SOX5: variants seen among roughly 807,000 people sequenced by gnomAD.
The protein encoded by SOX5 is transcription factor SOX-5.
SOX5 carries 9 observed loss-of-function variants against 92.0 expected under a neutral mutation model. That is an observed-to-expected ratio of 0.10 (90% CI 0.06 to 0.17). SOX5 has a LOEUF of 0.17. Among genes scored for constraint, SOX5 ranks in the 10% least tolerant of loss-of-function variants. SOX5 has a pLI of 1.00. For missense variants in SOX5, 642 were observed against 944.5 expected, an observed-to-expected ratio of 0.68 and a Z score of 4.20; for synonymous variants, 344 against 336.3, an observed-to-expected ratio of 1.02 and a Z score of -0.25.
intron 4 of SOX5, among the ~76,000 whole-genome samples, chr12:24,049,089 C>A (rs953094484): frequency 6.6e-6 from 1 of 152,134 alleles, no homozygotes; most frequent in Non-Finnish European, 1.5e-5. Flanking sequence ...TTAGCATACA[C>A]GTCCTGAGGA....
At chr12:24,189,144 G>A (rs565289372) in intron 4 of SOX5, among the ~76,000 whole-genome samples, 1 of 152,230 alleles carries the variant, frequency 6.6e-6, no homozygotes, top group South Asian at 2.1e-4. Context: ...TCAGTAGTCA[G>A]GGCTTTGTGA....
At chr12:24,066,506 AAAAG>A (rs1272046170) in intron 4 of SOX5, among the ~76,000 whole-genome samples, 6 of 152,232 alleles carry the variant, frequency 3.9e-5, no homozygotes, top group African/African-American at 1.4e-4. Flanking sequence ...AAATAACAAT[AAAAG>A]AATGAATTTT....
At chr12:23,833,559 G>C (rs2096365697) in intron 3 of SOX5, among the ~76,000 whole-genome samples, 1 of 151,962 alleles carries the variant, frequency 6.6e-6, no homozygotes, top group African/African-American at 2.4e-5. Context: ...TCTTAGAGAA[G>C]TATGCAGTAT....
At chr12:23,759,044 C>CACACAG (rs1555323190) in intron 3 of SOX5, among the ~76,000 whole-genome samples, 50 of 151,224 alleles carry the variant, frequency 3.3e-4, no homozygotes, top group African/African-American at 1.1e-3. Context: ...CACACACACA[C>CACACAG]ACACACACAC....
chr12:24,091,822 A>C (rs921678539), intron 4 of SOX5, among the ~76,000 whole-genome samples: 15 of 151,884 alleles, frequency 9.9e-5, no homozygotes, highest in Admixed American at 9.2e-4. Context: ...TCTATTTTCT[A>C]ACTATTCTCT....
intron 1 of SOX5, among the ~76,000 whole-genome samples, chr12:24,430,654 T>C (rs1247661953): frequency 1.3e-5 from 2 of 152,108 alleles, no homozygotes; most frequent in Admixed American, 1.3e-4. Flanking sequence ...TTTTTTTTCA[T>C]TGTTGATGTA....
chr12:23,985,802 A>G (rs937007646), intron 4 of SOX5, among the ~76,000 whole-genome samples: 1 of 152,018 alleles, frequency 6.6e-6, no homozygotes, highest in African/African-American at 2.4e-5. Context: ...AATGGGTCTC[A>G]CTGAGCTAAA....
At chr12:24,483,937 A>G (rs188596160) in intron 1 of SOX5, among the ~76,000 whole-genome samples, 1 of 152,174 alleles carries the variant, frequency 6.6e-6, no homozygotes, top group African/African-American at 2.4e-5. Flanking sequence ...GCTGAATCAG[A>G]TATATATTAT....
intron 1 of SOX5, among the ~76,000 whole-genome samples, chr12:23,947,219 A>G (rs1160767829): frequency 1.3e-5 from 2 of 151,970 alleles, no homozygotes; most frequent in Non-Finnish European, 2.9e-5. Context: ...TCACAAAGAA[A>G]TTTAGAAGTC....
chr12:24,085,784 C>T (rs767320758), intron 4 of SOX5, among the ~76,000 whole-genome samples: 7 of 151,582 alleles, frequency 4.6e-5, no homozygotes, highest in Non-Finnish European at 8.8e-5. Flanking sequence ...TTGTCATTGA[C>T]AAAGAAGAAA....
chr12:23,572,767 A>C (rs1948569985), intron 10 of SOX5, among the ~76,000 whole-genome samples: 1 of 152,178 alleles, frequency 6.6e-6, no homozygotes, highest in Non-Finnish European at 1.5e-5. Flanking sequence ...AGTAAATCTA[A>C]TCTTGGAGCT....
At chr12:23,871,659 T>C (rs1006927541) in intron 2 of SOX5, among the ~76,000 whole-genome samples, 3 of 152,108 alleles carry the variant, frequency 2.0e-5, no homozygotes, top group African/African-American at 7.2e-5. Flanking sequence ...AATAAATAAA[T>C]AAATACAACA....
chr12:24,279,182 C>G (rs143348561), intron 2 of SOX5, among the ~76,000 whole-genome samples: 2 of 152,090 alleles, frequency 1.3e-5, no homozygotes, highest in East Asian at 3.9e-4. Context: ...TATTTTTCTT[C>G]AATGATAACA....
chr12:24,049,752 C>G (rs1957385571), intron 4 of SOX5, among the ~76,000 whole-genome samples: 1 of 143,486 alleles, frequency 7.0e-6, no homozygotes. Context: ...GAGATAATGT[C>G]ACATTTATCC....
chr12:24,468,978 G>A (rs1944508281), intron 1 of SOX5, among the ~76,000 whole-genome samples: 4 of 152,124 alleles, frequency 2.6e-5, no homozygotes, highest in Admixed American at 2.6e-4. Context: ...TGATTCAAGA[G>A]CATTACAATT....
intron 1 of SOX5, among the ~76,000 whole-genome samples, chr12:24,410,705 T>A (rs1963918532): frequency 6.6e-6 from 1 of 152,260 alleles, no homozygotes. Flanking sequence ...AGAGTGTTGA[T>A]CACTACAGTT....
intron 2 of SOX5, among the ~76,000 whole-genome samples, chr12:24,345,769 T>C (rs1953156274): frequency 6.6e-6 from 1 of 152,222 alleles, no homozygotes; most frequent in Non-Finnish European, 1.5e-5. Flanking sequence ...AATTCTTAAG[T>C]TGCACATGGA....
intron 6 of SOX5, among the ~76,000 whole-genome samples, chr12:23,699,797 A>G (rs1294219791): frequency 2.0e-5 from 3 of 152,152 alleles, no homozygotes; most frequent in East Asian, 1.9e-4. Flanking sequence ...CAGGAGCTCT[A>G]CTGAACTTGA....
chr12:23,966,594 A>G (rs892541122), intron 4 of SOX5, among the ~76,000 whole-genome samples: 7 of 152,186 alleles, frequency 4.6e-5, no homozygotes, highest in African/African-American at 1.7e-4. Flanking sequence ...ATTGATTTAG[A>G]TTAAAAAAAT....
Sources: allele counts gnomAD v4.1 joint callset (sites outside exome capture counted in the v4.1 genomes callset), GRCh38; gene constraint gnomAD v4.1.1; transcripts MANE v1.5; gene names NCBI Gene and HGNC (gene_info 2026-07-23, HGNC 2026-07-21).